Variants in MYO6 observed in about 807,000 individuals in gnomAD.
MYO6 encodes the protein myosin VI, also known as unconventional myosin-VI.
In MYO6, 74 loss-of-function variants were observed where a neutral mutation model predicts 178.7. The observed-to-expected ratio is 0.41, with a 90% CI of 0.34 to 0.50. MYO6 has a LOEUF of 0.50. Ranked by LOEUF, MYO6 falls within the 20% of genes least tolerant of loss-of-function variation. The pLI, the probability that MYO6 is intolerant of heterozygous loss-of-function variation, is 0.09. For synonymous variants in MYO6, 477 were observed against 504.6 expected (o/e 0.95, Z 0.73); for missense variants, 1,330 against 1,547.4 (o/e 0.86, Z 2.36).
chr6:75,795,033 A>G (rs1311555146), intron 1 of MYO6, among the ~76,000 whole-genome samples: 1 of 152,228 alleles, frequency 6.6e-6, no homozygotes, highest in African/African-American at 2.4e-5. Flanking sequence ...TAATTGTTGA[A>G]TAATCACTGT....
At chr6:75,822,721 C>A in intron 2 of MYO6, 61 bp from the exon 3 acceptor site, 1 of 1,342,852 alleles carries the variant, frequency 7.4e-7, no homozygotes, top group South Asian at 1.2e-5. Flanking sequence ...CAATTAAGCC[C>A]TTCTATTGTT....
intron 1 of MYO6, among the ~76,000 whole-genome samples, chr6:75,805,022 T>TATATATATATATA (rs869236276): frequency 9.4e-5 from 5 of 53,110 alleles, no homozygotes; most frequent in South Asian, 6.8e-4. Flanking sequence ...TATATATATA[T>TATATATATATATA]TTTTTTTTTT....
chr6:75,825,787 C>A (rs979101946), intron 3 of MYO6, among the ~76,000 whole-genome samples: 11 of 152,026 alleles, frequency 7.2e-5, no homozygotes, highest in African/African-American at 2.7e-4. Flanking sequence ...GCTCAGATAA[C>A]TCTCTAGTCA....
At chr6:75,795,895 T>C (rs1254437141) in intron 1 of MYO6, among the ~76,000 whole-genome samples, 1 of 152,220 alleles carries the variant, frequency 6.6e-6, no homozygotes, top group Non-Finnish European at 1.5e-5. Context: ...TGCTGAGTAA[T>C]AGCATTATTA....
chr6:75,895,263 A>G lies in MYO6; in HGVS notation c.3137+3A>G, dbSNP rs1486153125. ...GGAACAAGACCCAAAATGACACCGT[A>G]TGTCACTTACCTTTACCTTTTTAAA... is the stretch of plus-strand genomic sequence containing the variant. On this transcript the variant is annotated splice_donor_region_variant and intron_variant, in intron 29 of 34. Coordinates refer to ENST00000369977, the MANE Select transcript of MYO6 (RefSeq NM_004999.4). 1 of 1,605,188 alleles carries G rather than the reference A, an allele frequency of 6.2e-7. No individual in the cohort carries two copies. Among genetic ancestry groups the G allele is most frequent in the Non-Finnish European group, 8.5e-7 (1 of 1,172,744 alleles).
chr6:75,889,927 A>G (rs1562290513), intron 25 of MYO6, 130 bp from the exon 26 acceptor site: 11 of 765,552 alleles, frequency 1.4e-5, no homozygotes. Context: ...AAATTGTAAA[A>G]AACAATAAAA....
chr6:75,886,084 C>G lies in MYO6; in HGVS notation c.2497C>G (p.His833Asp). Reference protein sequence around the residue: ...TIRMWLCKRRHKPRIDGLVKV... With the variant: ...TIRMWLCKRRDKPRIDGLVKV... ...TCGAATGTGGCTTTGCAAGAGGAGA[C>G]ACAAACCTCGGTAAGATGAATAGTT... The change falls in exon 24 of 35, where the codon CAC (histidine) becomes GAC (aspartate). Residue 833 changes from histidine (H) to aspartate (D), a missense_variant. His to Asp is a moderately conservative substitution (Grantham distance 81). Coordinates refer to ENST00000369977, the MANE Select transcript of MYO6 (RefSeq NM_004999.4). 1.2e-6 allele frequency: 2 copies of G among 1,606,660 alleles called. No individual in the cohort carries two copies. Among genetic ancestry groups the G allele is most frequent in the Non-Finnish European group, 8.5e-7 (1 of 1,173,734 alleles).
At chr6:75,866,432 A>G in intron 16 of MYO6, 94 bp from the exon 17 acceptor site, 1 of 1,001,496 alleles carries the variant, frequency 1.0e-6, no homozygotes, top group Non-Finnish European at 1.6e-6. Flanking sequence ...TTCCTGTATA[A>G]TTTTAAGTGT....
rs59244460 is a variant in MYO6 at position 75,890,302 on chromosome 6, A to G, written c.2867+37A>G. The G allele has an allele frequency of 7.0e-4, 1,126 of 1,612,016 alleles. 8 individuals carry two copies. In the African/African-American group the frequency reaches 0.012, roughly 17 times the overall value. The stretch of plus-strand genomic sequence containing the variant: ...ATATTATTTTGAATAAGAGACTTAA[A>G]GAAATAGTGAATTCTTGGTATTGAC... On this transcript the variant is annotated intron_variant, in intron 26 of 34. Transcript: ENST00000369977.
chr6:75,887,293 A>T (rs1317290766), intron 25 of MYO6, among the ~76,000 whole-genome samples: 2 of 152,216 alleles, frequency 1.3e-5, no homozygotes, highest in East Asian at 3.9e-4. Context: ...CCACCATGGC[A>T]CACGTTTACC....
intron 25 of MYO6, among the ~76,000 whole-genome samples, chr6:75,889,198 C>T (rs1364635585): frequency 6.6e-6 from 1 of 152,074 alleles, no homozygotes; most frequent in African/African-American, 2.4e-5. Context: ...TAAATAGACT[C>T]AGCTGATTTT....
At chr6:75,840,754 G>A (rs1243807479) in intron 8 of MYO6, 72 bp downstream of exon 8, 5 of 1,103,486 alleles carry the variant, frequency 4.5e-6, no homozygotes, top group East Asian at 2.4e-5. Context: ...AGTTGGTGCT[G>A]TATTTGCACT....
At chr6:75,794,545 G>A (rs947713159) in intron 1 of MYO6, among the ~76,000 whole-genome samples, 1 of 152,084 alleles carries the variant, frequency 6.6e-6, no homozygotes, top group African/African-American at 2.4e-5. Flanking sequence ...TCAATTATAT[G>A]TGTGTGTTCA....
intron 16 of MYO6, among the ~76,000 whole-genome samples, chr6:75,866,275 CTGTGTGTGTGTG>C (rs10687890): frequency 1.4e-3 from 161 of 119,216 alleles, no homozygotes; most frequent in South Asian, 4.6e-3. Flanking sequence ...GTCTCTGTCT[CTGTGTGTGTGTG>C]TGTGTGTGTG....
rs765665616 is a variant in MYO6, at chr6:75,916,905, G to T, written c.*1893G>T. ...AAGTCCTTAGTTTTTGACTCTAATA[G>T]TTAATACAATTATAGTTAATCTTAA... On this transcript the variant is annotated 3_prime_UTR_variant, in exon 35 of 35. Transcript: ENST00000369977. The T allele has an allele frequency of 6.6e-6, 1 of 152,172 alleles. No individual in the cohort carries two copies. The highest frequency in any genetic ancestry group is 6.5e-5 in the Admixed American group (1 of 15,276). 9.4% of individuals were successfully genotyped at this position (152,172 alleles called of 1,614,324 possible).
At chr6:75,832,705 A>C in intron 5 of MYO6, 137 bp from the exon 6 acceptor site, 1 of 634,916 alleles carries the variant, frequency 1.6e-6, no homozygotes, top group Non-Finnish European at 2.8e-6. Flanking sequence ...CTTTTGAATG[A>C]CTTTATTTTA....
chr6:75,903,249 G>A (rs1044825742), intron 30 of MYO6, among the ~76,000 whole-genome samples: 1 of 151,946 alleles, frequency 6.6e-6, no homozygotes, highest in Non-Finnish European at 1.5e-5. Context: ...GGTCCGCTTG[G>A]TGCAGAGCTG....
At chr6:75,819,501 A>G (rs1049728255) in intron 2 of MYO6, among the ~76,000 whole-genome samples, 4 of 152,242 alleles carry the variant, frequency 2.6e-5, no homozygotes, top group Admixed American at 6.5e-5. Context: ...GGAAGTGTAG[A>G]TGAGGGAGTG....
intron 1 of MYO6, among the ~76,000 whole-genome samples, chr6:75,813,104 T>A (rs1030992398): frequency 4.6e-5 from 7 of 152,240 alleles, no homozygotes; most frequent in Non-Finnish European, 8.8e-5. Context: ...CAGTGAGTTT[T>A]GTACCTTCAG....
Sources: gnomAD v4.1 joint callset for allele counts (sites outside exome capture counted in the v4.1 genomes callset) on GRCh38, gnomAD v4.1.1 for gene constraint, MANE v1.5 for transcripts, NCBI Gene and HGNC (gene_info 2026-07-23, HGNC 2026-07-21) for gene names.